Variants in NRXN3 observed in about 807,000 individuals in gnomAD.
NRXN3 encodes the protein neurexin III.
Under a neutral mutation model 137.6 loss-of-function variants are expected in NRXN3, and 32 were observed. The observed-to-expected ratio is 0.23, with a 90% CI of 0.18 to 0.31. The LOEUF (loss-of-function observed/expected upper bound fraction) is 0.31, where lower values mean the gene tolerates loss of function less well. Ranked by LOEUF, NRXN3 falls within the 10% of genes least tolerant of loss-of-function variation. The pLI is 1.00. For synonymous variants in NRXN3, 798 were observed against 784.5 expected, an observed-to-expected ratio of 1.02 and a Z score of -0.29; for missense variants, 1,574 against 2,062.5, an observed-to-expected ratio of 0.76 and a Z score of 4.59.
chr14:78,915,430 A>T (rs2099252787), intron 10 of NRXN3, among the ~76,000 whole-genome samples: 1 of 151,318 alleles, frequency 6.6e-6, no homozygotes, highest in Non-Finnish European at 1.5e-5. Context: ...AGTTTAGAGA[A>T]GTCAAAGAAA....
At chr14:78,969,669 T>C (rs1421384664) in intron 14 of NRXN3, among the ~76,000 whole-genome samples, 1 of 152,214 alleles carries the variant, frequency 6.6e-6, no homozygotes, top group Non-Finnish European at 1.5e-5. Context: ...CTTGGAGTTA[T>C]GGAAATTGTT....
At chr14:79,238,240 C>G (rs1401975412) in intron 15 of NRXN3, among the ~76,000 whole-genome samples, 1 of 152,096 alleles carries the variant, frequency 6.6e-6, no homozygotes, top group Non-Finnish European at 1.5e-5. Context: ...TACTAGGCCT[C>G]ACAAATTATG....
chr14:79,332,126 C>T (rs780675671), intron 15 of NRXN3, among the ~76,000 whole-genome samples: 3 of 152,172 alleles, frequency 2.0e-5, no homozygotes, highest in Non-Finnish European at 4.4e-5. Context: ...ATCCTCAGAC[C>T]TCTGAATTGC....
At chr14:78,962,637 A>AT (rs1275215308) in intron 11 of NRXN3, among the ~76,000 whole-genome samples, 2 of 152,164 alleles carry the variant, frequency 1.3e-5, no homozygotes, top group African/African-American at 4.8e-5. Flanking sequence ...TAATATACTT[A>AT]TTTTTTGAAG....
chr14:78,574,932 C>T (rs2096922705), intron 4 of NRXN3, among the ~76,000 whole-genome samples: 1 of 152,074 alleles, frequency 6.6e-6, no homozygotes, highest in Non-Finnish European at 1.5e-5. Flanking sequence ...GGGGCCCCAC[C>T]CAAATCTCAC....
At chr14:79,140,610 T>TGTGTGG (rs398025864) in intron 15 of NRXN3, among the ~76,000 whole-genome samples, 1 of 146,862 alleles carries the variant, frequency 6.8e-6, no homozygotes, top group Non-Finnish European at 1.5e-5. Flanking sequence ...TGTGTGTGTG[T>TGTGTGG]GAAGTTAAAT....
At chr14:78,903,395 G>A (rs1007242492) in intron 10 of NRXN3, among the ~76,000 whole-genome samples, 2 of 151,882 alleles carry the variant, frequency 1.3e-5, no homozygotes, top group African/African-American at 4.8e-5. Context: ...GCCTGCCTCA[G>A]TCTCCCAAAG....
In NRXN3 at chr14:79,607,109, A is replaced by G. The variant is rs144989735; in HGVS notation, c.3445-56669A>G. On this transcript the variant is annotated intron_variant, in intron 16 of 20. Transcript: ENST00000335750. ...GTATGTGTATTTGTCCTGTGTCACA[A>G]TAAAAGGTATCTATTTCTGGACTTT... Among the ~76,000 whole-genome samples, 13 of 152,366 alleles carry G rather than the reference A, an allele frequency of 8.5e-5. No individual in the cohort carries two copies. The East Asian group carries it at 2.5e-3, about 29-fold the overall frequency.
intron 17 of NRXN3, among the ~76,000 whole-genome samples, chr14:79,672,315 G>T (rs1484684878): frequency 1.3e-5 from 2 of 151,966 alleles, no homozygotes; most frequent in East Asian, 1.9e-4. Context: ...TCAGTAAAAT[G>T]AATAATTAAA....
At chr14:79,081,827 G>T (rs1595750601) in intron 15 of NRXN3, among the ~76,000 whole-genome samples, 1 of 151,956 alleles carries the variant, frequency 6.6e-6, no homozygotes, top group Non-Finnish European at 1.5e-5. Context: ...TTGTTAAAAA[G>T]CAAGATCTTT....
chr14:79,117,761 C>T (rs766623234), intron 15 of NRXN3, among the ~76,000 whole-genome samples: 1 of 152,218 alleles, frequency 6.6e-6, no homozygotes, highest in Non-Finnish European at 1.5e-5. Context: ...ATTAACCTGT[C>T]AGCCTCAGAC....
chr14:79,526,428 C>T (rs761738358), intron 16 of NRXN3, among the ~76,000 whole-genome samples: 3 of 152,172 alleles, frequency 2.0e-5, no homozygotes, highest in Non-Finnish European at 2.9e-5. Flanking sequence ...CTCCTGGCCT[C>T]AAGTGATTCT....
At position 78,427,178 on chromosome 14, in the gene NRXN3, T is replaced by C. The variant is rs74450935; in HGVS notation, c.757+129318T>C. Among the ~76,000 whole-genome samples, 559 of 152,308 alleles carry C rather than the reference T, an allele frequency of 3.7e-3. 24 individuals are homozygous for C. The East Asian group carries it at 0.067, about 18-fold the overall frequency. ...GGTGTCTGTGGGTCAGAGGCAAAGC[T>C]ATTTTCTCTAGATTTGCTTGATTTC... On this transcript the variant is annotated intron_variant, in intron 4 of 20. Transcript: ENST00000335750.
At chr14:78,687,013 G>T (rs1427422140) in intron 6 of NRXN3, among the ~76,000 whole-genome samples, 8 of 152,162 alleles carry the variant, frequency 5.3e-5, no homozygotes, top group African/African-American at 1.9e-4. Flanking sequence ...AGGAAATAAA[G>T]CACAATGAGG....
chr14:79,353,619 T>C (rs1479720772), intron 15 of NRXN3, among the ~76,000 whole-genome samples: 1 of 152,180 alleles, frequency 6.6e-6, no homozygotes, highest in Admixed American at 6.5e-5. Context: ...CTATGAAATA[T>C]TGCTGTTACT....
At position 78,968,261 on chromosome 14, in the gene NRXN3, A is replaced by G; in HGVS notation, c.3057A>G (p.Leu1019=). 6.2e-7 allele frequency: 1 copy of G among 1,614,046 alleles called. No individual in the cohort carries two copies. The highest frequency in any genetic ancestry group is 8.5e-7 in the Non-Finnish European group (1 of 1,179,988). The part of the protein sequence containing the change: ...VASRDGFQGC[L]ASVDLNGRLP... ...CTCGAGATGGCTTTCAGGGCTGTCTAGCATCAGTGGACTTGAATGGACGCC... is the reference window on the plus strand; with the variant it reads ...CTCGAGATGGCTTTCAGGGCTGTCTGGCATCAGTGGACTTGAATGGACGCC... Residue 1019 remains leucine (L), a synonymous_variant, in exon 14 of 21, where the codon CTA becomes CTG. Coordinates refer to ENST00000335750, the MANE Select transcript of NRXN3 (RefSeq NM_001330195.2).
intron 17 of NRXN3, among the ~76,000 whole-genome samples, chr14:79,673,816 A>G (rs2098625427): frequency 6.6e-6 from 1 of 152,110 alleles, no homozygotes. Context: ...ATTAATTGCC[A>G]GGTAGGGTAC....
intron 6 of NRXN3, among the ~76,000 whole-genome samples, chr14:78,682,541 GC>G (rs775525051): frequency 9.2e-5 from 14 of 152,094 alleles, no homozygotes; most frequent in African/African-American, 3.4e-4. Flanking sequence ...AGTCCTCAGT[GC>G]TACAGCCTCA....
At chr14:78,929,154 T>G (rs2099314618) in intron 10 of NRXN3, among the ~76,000 whole-genome samples, 1 of 152,196 alleles carries the variant, frequency 6.6e-6, no homozygotes, top group Non-Finnish European at 1.5e-5. Flanking sequence ...TTGTTTGATT[T>G]TTTCTTGTAA....
Sources: gnomAD v4.1 joint callset for allele counts (sites outside exome capture counted in the v4.1 genomes callset) on GRCh38, gnomAD v4.1.1 for gene constraint, MANE v1.5 for transcripts, NCBI Gene and HGNC (gene_info 2026-07-23, HGNC 2026-07-21) for gene names.